The following TRERF1 variants were observed in gnomAD, a reference collection of about 807,000 sequenced individuals.
The protein encoded by TRERF1 is transcriptional-regulating factor 1.
A neutral mutation model predicts 122.9 loss-of-function variants in TRERF1; 27 were observed. The observed-to-expected ratio is 0.22, with a 90% CI of 0.16 to 0.30. The LOEUF is 0.30. Among genes scored for constraint, TRERF1 ranks in the 10% least tolerant of loss-of-function variants. The pLI, the probability that TRERF1 is intolerant of heterozygous loss-of-function variation, is 1.00. For missense variants in TRERF1, 1,248 were observed against 1,560.3 expected, an observed-to-expected ratio of 0.80 and a Z score of 3.37; for synonymous variants, 636 against 641.7, an observed-to-expected ratio of 0.99 and a Z score of 0.13.
intron 2 of TRERF1, among the ~76,000 whole-genome samples, chr6:42,412,343 A>G (rs997041255): frequency 6.6e-6 from 1 of 152,234 alleles, no homozygotes; most frequent in East Asian, 1.9e-4. Context: ...CTACATGTTC[A>G]GAGAAATTTC....
intron 2 of TRERF1, among the ~76,000 whole-genome samples, chr6:42,400,120 AGTC>A (rs1779177924): frequency 6.6e-6 from 1 of 152,250 alleles, no homozygotes; most frequent in South Asian, 2.1e-4. Flanking sequence ...CACTGGATCC[AGTC>A]GTCTCCAAAG....
intron 2 of TRERF1, among the ~76,000 whole-genome samples, chr6:42,431,057 C>A: frequency 7.2e-6 from 1 of 138,444 alleles, no homozygotes. Context: ...AAGACTCAGT[C>A]TCAAAAAAAA....
At chr6:42,382,939 T>G (rs1261488299) in intron 2 of TRERF1, among the ~76,000 whole-genome samples, 2 of 142,696 alleles carry the variant, frequency 1.4e-5, no homozygotes, top group East Asian at 2.1e-4. Flanking sequence ...GGGGGTGGGG[T>G]GGGTGTGGGG....
In TRERF1 at chr6:42,422,238, A is replaced by AGCCG. The variant is rs1782884577; in HGVS notation, c.-454+28935_-454+28938dup. The stretch of plus-strand genomic sequence containing the variant: ...ATACTAAGACCAAATCTCTCCTCCT[A>AGCCG]GCCGGGCACAGTGGCTCACACCTGT... On this transcript the variant is annotated intron_variant, in intron 2 of 17. Coordinates refer to ENST00000372922, the Ensembl canonical transcript of TRERF1. Among the ~76,000 whole-genome samples, 4 of 150,538 alleles carry AGCCG rather than the reference A, an allele frequency of 2.7e-5. No homozygotes were observed. The South Asian group carries it at 8.4e-4, about 32-fold the overall frequency.
intron 2 of TRERF1, among the ~76,000 whole-genome samples, chr6:42,440,104 G>A (rs865873310): frequency 6.6e-5 from 10 of 152,240 alleles, no homozygotes; most frequent in Non-Finnish European, 4.4e-5. Context: ...TTCTAACAAG[G>A]CTATGAGACC....
chr6:42,432,640 G>C (rs965194173), intron 2 of TRERF1, among the ~76,000 whole-genome samples: 1 of 152,158 alleles, frequency 6.6e-6, no homozygotes, highest in African/African-American at 2.4e-5. Context: ...TCAGGAGTTT[G>C]AGACCAGCCT....
At chr6:42,443,121 T>G (rs539901356) in intron 2 of TRERF1, among the ~76,000 whole-genome samples, 1 of 152,208 alleles carries the variant, frequency 6.6e-6, no homozygotes, top group Admixed American at 6.5e-5. Flanking sequence ...GAAACCAAAT[T>G]GCTATCAGTT....
intron 13 of TRERF1, among the ~76,000 whole-genome samples, chr6:42,247,513 T>A (rs1313762560): frequency 6.6e-6 from 1 of 152,044 alleles, no homozygotes; most frequent in African/African-American, 2.4e-5. Context: ...CTGGTTCAAG[T>A]ATAAGGTTCC....
chr6:42,377,611 G>T (rs1265938153), intron 2 of TRERF1, among the ~76,000 whole-genome samples: 1 of 152,124 alleles, frequency 6.6e-6, no homozygotes, highest in African/African-American at 2.4e-5. Flanking sequence ...GCATCCGTGG[G>T]GCTGCTTGGG....
rs1778886956 is a variant in TRERF1, at chr6:42,264,918, C to G, written c.1485-64G>C. ...TTGAGGAAGGGGAAACAGTGACTTGCCACAAGACCTCATACCCACCACAAA... is the reference window on the plus strand; with the variant it reads ...TTGAGGAAGGGGAAACAGTGACTTGGCACAAGACCTCATACCCACCACAAA... On this transcript the variant is annotated intron_variant, in intron 6 of 17. Coordinates refer to ENST00000372922, the Ensembl canonical transcript of TRERF1. 46 of 1,569,922 alleles carry G rather than the reference C, an allele frequency of 2.9e-5. 1 individual carries two copies. The South Asian group carries it at 5.1e-4, about 17-fold the overall frequency.
intron 13 of TRERF1, among the ~76,000 whole-genome samples, chr6:42,250,611 GA>G (rs1775576526): frequency 6.6e-6 from 1 of 151,886 alleles, no homozygotes; most frequent in South Asian, 2.1e-4. Flanking sequence ...TTCTCTCTAG[GA>G]TCCCTGCTGC....
intron 4 of TRERF1, among the ~76,000 whole-genome samples, chr6:42,285,295 G>A (rs1782999428): frequency 6.6e-6 from 1 of 152,048 alleles, no homozygotes; most frequent in Admixed American, 6.6e-5. Flanking sequence ...TCTGTTGTTG[G>A]TGTATAAGAA....
At chr6:42,440,459 G>A (rs1446355318) in intron 2 of TRERF1, among the ~76,000 whole-genome samples, 3 of 152,096 alleles carry the variant, frequency 2.0e-5, no homozygotes, top group East Asian at 3.8e-4. Flanking sequence ...TCCTACAATT[G>A]TAGGAGAATG....
At chr6:42,302,918 T>C (rs1411683642) in intron 3 of TRERF1, among the ~76,000 whole-genome samples, 1 of 152,238 alleles carries the variant, frequency 6.6e-6, no homozygotes, top group African/African-American at 2.4e-5. Context: ...CAAGAGTTTG[T>C]CTTAGACAAC....
At chr6:42,421,910 G>T (rs1380121132) in intron 2 of TRERF1, among the ~76,000 whole-genome samples, 1 of 152,078 alleles carries the variant, frequency 6.6e-6, no homozygotes, top group Non-Finnish European at 1.5e-5. Flanking sequence ...GCTCACGCCT[G>T]TAATCCCAGC....
intron 3 of TRERF1, among the ~76,000 whole-genome samples, chr6:42,300,989 C>A (rs1786062377): frequency 6.6e-6 from 1 of 151,830 alleles, no homozygotes; most frequent in African/African-American, 2.4e-5. Context: ...GCAGTCTCTA[C>A]ACTTAGGAAA....
intron 2 of TRERF1, among the ~76,000 whole-genome samples, chr6:42,413,687 CAA>C (rs1245618981): frequency 6.6e-6 from 1 of 152,134 alleles, no homozygotes; most frequent in Admixed American, 6.5e-5. Context: ...CACAGCCTCC[CAA>C]AGTGTTGGGA....
At chr6:42,405,881 G>A (rs1383448857) in intron 2 of TRERF1, among the ~76,000 whole-genome samples, 2 of 151,988 alleles carry the variant, frequency 1.3e-5, no homozygotes, top group Non-Finnish European at 2.9e-5. Context: ...GCAGGCAGGG[G>A]GAAGCAACTA....
intron 2 of TRERF1, among the ~76,000 whole-genome samples, chr6:42,364,483 C>T (rs957073931): frequency 1.3e-5 from 2 of 152,308 alleles, no homozygotes; most frequent in Admixed American, 6.5e-5. Context: ...GAGCCTGGCA[C>T]ATAGTAGGTG....
Sources: gnomAD v4.1 joint callset for allele counts (sites outside exome capture counted in the v4.1 genomes callset) on GRCh38, gnomAD v4.1.1 for gene constraint, MANE v1.5 for transcripts, NCBI Gene and HGNC (gene_info 2026-07-23, HGNC 2026-07-21) for gene names.